Variants in SLC12A6 observed in about 807,000 individuals in gnomAD.
SLC12A6 encodes solute carrier family 12 member 6.
In SLC12A6, 66 loss-of-function variants were observed where a neutral mutation model predicts 135.3. The observed-to-expected ratio is 0.49, with a 90% CI of 0.40 to 0.60. SLC12A6 has a LOEUF of 0.60. Ranked by LOEUF, SLC12A6 falls within the 20% of genes least tolerant of loss-of-function variation. SLC12A6 has a pLI of 0.00. For missense variants in SLC12A6, 1,058 were observed against 1,452.3 expected (o/e 0.73, Z 4.41); for synonymous variants, 513 against 508.8 (o/e 1.01, Z -0.11).
intron 2 of SLC12A6, among the ~76,000 whole-genome samples, chr15:34,303,374 C>G (rs1048727664): frequency 6.6e-6 from 1 of 152,004 alleles, no homozygotes; most frequent in Non-Finnish European, 1.5e-5. Flanking sequence ...AGTGTGTATA[C>G]TTTGAATAGT....
intron 2 of SLC12A6, among the ~76,000 whole-genome samples, chr15:34,310,137 T>C (rs1199338572): frequency 6.6e-6 from 1 of 151,664 alleles, no homozygotes; most frequent in Admixed American, 6.6e-5. Context: ...GCCTTCCGAG[T>C]AGCTGGGACT....
intron 2 of SLC12A6, among the ~76,000 whole-genome samples, chr15:34,332,722 G>T (rs1379838630): frequency 6.6e-6 from 1 of 151,854 alleles, no homozygotes; most frequent in Non-Finnish European, 1.5e-5. Context: ...GGTGGAGGTT[G>T]CAGTGAGCCG....
chr15:34,273,149 G>A (rs982155311), intron 3 of SLC12A6, among the ~76,000 whole-genome samples: 10 of 152,252 alleles, frequency 6.6e-5, no homozygotes, highest in Middle Eastern at 3.4e-3. Context: ...TCAGTAGTTC[G>A]AGACCAGCCT....
In SLC12A6 at chr15:34,239,065, C is replaced by T; in HGVS notation, c.2532G>A (p.Gln844=). 1 of 1,614,178 alleles carries T rather than the reference C, an allele frequency of 6.2e-7. No individual in the cohort carries two copies. The highest frequency in any genetic ancestry group is 8.5e-7 in the Non-Finnish European group (1 of 1,180,012). Reference sequence around the variant, plus strand: ...GCTTCATGCCCCCAAGGCCACATGACTGGATGAGGTGGGAAATGCCCTCTC... The same window carrying T: ...GCTTCATGCCCCCAAGGCCACATGATTGGATGAGGTGGGAAATGCCCTCTC... ...KLREGISHLI[Q]SCGLGGMKHN... Residue 844 remains glutamine (Q), a synonymous_variant, in exon 20 of 26, where the codon CAG becomes CAA. Coordinates refer to ENST00000354181, the MANE Select transcript of SLC12A6 (RefSeq NM_001365088.1).
chr15:34,254,662 A>G (rs1892626891), intron 8 of SLC12A6, 73 bp from the exon 9 acceptor site: 1 of 1,176,172 alleles, frequency 8.5e-7, no homozygotes, highest in Admixed American at 1.8e-5. Context: ...ATTCGTTTGC[A>G]TTTACTTTCA....
chr15:34,281,307 G>C (rs1243589792), intron 2 of SLC12A6, among the ~76,000 whole-genome samples: 1 of 151,948 alleles, frequency 6.6e-6, no homozygotes, highest in Admixed American at 6.6e-5. Context: ...TGGAACCAAA[G>C]ACAATTACTC....
At chr15:34,250,466 T>G (rs1566811492) in intron 12 of SLC12A6, 111 bp from the exon 13 acceptor site, 6 of 867,940 alleles carry the variant, frequency 6.9e-6, no homozygotes, top group Non-Finnish European at 1.2e-5. Flanking sequence ...TAAATACTCC[T>G]ATAAATTCTT....
At chr15:34,333,731 A>C (rs1890016809) in intron 2 of SLC12A6, among the ~76,000 whole-genome samples, 1 of 152,216 alleles carries the variant, frequency 6.6e-6, no homozygotes, top group Non-Finnish European at 1.5e-5. Context: ...ACTACTCAGA[A>C]AGCCAACAGC....
At chr15:34,297,786 G>A (rs952841180) in intron 2 of SLC12A6, among the ~76,000 whole-genome samples, 2 of 152,164 alleles carry the variant, frequency 1.3e-5, no homozygotes, top group African/African-American at 4.8e-5. Flanking sequence ...AATCTTGGAA[G>A]GCAAATAGAG....
At chr15:34,311,321 ATTTTT>A (rs1195634613) in intron 2 of SLC12A6, among the ~76,000 whole-genome samples, 1 of 152,150 alleles carries the variant, frequency 6.6e-6, no homozygotes, top group African/African-American at 2.4e-5. Flanking sequence ...ATTTATTTTT[ATTTTT>A]TAATACATAT....
intron 2 of SLC12A6, among the ~76,000 whole-genome samples, chr15:34,303,233 T>C (rs1214184854): frequency 4.6e-5 from 7 of 152,162 alleles, no homozygotes; most frequent in African/African-American, 1.7e-4. Context: ...ATTGATTTCA[T>C]GTTACAGTCA....
intron 2 of SLC12A6, among the ~76,000 whole-genome samples, chr15:34,295,823 A>C (rs889371865): frequency 3.3e-5 from 5 of 152,058 alleles, no homozygotes; most frequent in Non-Finnish European, 1.5e-5. Flanking sequence ...ACATAGAGAA[A>C]CCCTATCTCT....
At chr15:34,310,841 A>G (rs1296934345) in intron 2 of SLC12A6, among the ~76,000 whole-genome samples, 3 of 145,502 alleles carry the variant, frequency 2.1e-5, no homozygotes, top group Non-Finnish European at 4.5e-5. Flanking sequence ...GCTGGTGTTG[A>G]ACTCCTGGGC....
At chr15:34,310,825 G>A (rs911610392) in intron 2 of SLC12A6, among the ~76,000 whole-genome samples, 1 of 143,978 alleles carries the variant, frequency 6.9e-6, no homozygotes, top group African/African-American at 2.6e-5. Flanking sequence ...TGTGTCCCGT[G>A]TCCAGGCTGG....
chr15:34,324,306 T>C (rs1488841933), intron 2 of SLC12A6, among the ~76,000 whole-genome samples: 1 of 152,172 alleles, frequency 6.6e-6, no homozygotes, highest in Non-Finnish European at 1.5e-5. Flanking sequence ...AAAAAAATTA[T>C]GGTATTTTTA....
intron 3 of SLC12A6, among the ~76,000 whole-genome samples, chr15:34,262,484 A>G (rs2085966): frequency 0.37 from 56,916 of 151,906 alleles, 13,865 homozygotes; most frequent in African/African-American, 0.7. Context: ...CCCACCAAAC[A>G]CAGGTACAAA....
At chr15:34,278,504 G>A (rs1157330493) in intron 2 of SLC12A6, among the ~76,000 whole-genome samples, 1 of 152,174 alleles carries the variant, frequency 6.6e-6, no homozygotes, top group Non-Finnish European at 1.5e-5. Context: ...CATGACGTAT[G>A]TATACTCTCT....
chr15:34,257,988 TATATA>T (rs1468949978), intron 5 of SLC12A6, among the ~76,000 whole-genome samples, 200 bp from the exon 6 acceptor site: 1 of 103,998 alleles, frequency 9.6e-6, no homozygotes, highest in African/African-American at 3.0e-5. Context: ...TTCCTAAAGC[TATATA>T]TTTTAACTTT....
chr15:34,286,101 T>C (rs1279067974), intron 2 of SLC12A6, among the ~76,000 whole-genome samples: 1 of 152,066 alleles, frequency 6.6e-6, no homozygotes, highest in Admixed American at 6.5e-5. Flanking sequence ...TTTTAAACAG[T>C]CTTGCTCTGA....
Sources: gnomAD v4.1 joint callset for allele counts (sites outside exome capture counted in the v4.1 genomes callset) on GRCh38, gnomAD v4.1.1 for gene constraint, MANE v1.5 for transcripts, NCBI Gene and HGNC (gene_info 2026-07-23, HGNC 2026-07-21) for gene names.